LYSMD3: variants seen among roughly 807,000 people sequenced by gnomAD.
LYSMD3 encodes LysM domain containing 3.
LYSMD3 carries 13 observed loss-of-function variants against 26.1 expected under a neutral mutation model. The observed-to-expected ratio is 0.50, with a 90% CI of 0.32 to 0.79. LYSMD3 has a LOEUF of 0.79. Ranked by LOEUF, LYSMD3 falls within the 30% of genes least tolerant of loss-of-function variation. The probability of loss-of-function intolerance (pLI) is 0.03; values close to 1 mark genes in which losing one functional copy is unlikely to be tolerated. For missense variants in LYSMD3, 331 were observed against 362.5 expected (o/e 0.91, Z 0.71); for synonymous variants, 109 against 119.4 (o/e 0.91, Z 0.57).
At chr5:90,527,798 A>G (rs1164901740) in intron 1 of LYSMD3, among the ~76,000 whole-genome samples, 1 of 152,214 alleles carries the variant, frequency 6.6e-6, no homozygotes, top group Admixed American at 6.5e-5. Context: ...CTAGGCATAT[A>G]CTTATCATAA....
At chr5:90,529,220 G>T in intron 1 of LYSMD3, 1 of 354,830 alleles carries the variant, frequency 2.8e-6, no homozygotes, top group South Asian at 2.0e-5. Context: ...GCAGGTAGGC[G>T]TCCTTCCTCT....
chr5:90,518,712 A>G lies in LYSMD3; in HGVS notation c.*107T>C. On this transcript the variant is annotated 3_prime_UTR_variant, in exon 3 of 3. Transcript: ENST00000315948. ...AAACCCTTTTGTTAAAAACAAAAGC[A>G]TCCTCAATCTCTCTAAATTCTGCCT... is the stretch of plus-strand genomic sequence containing the variant. 8.6e-7 allele frequency: 1 copy of G among 1,161,032 alleles called. No homozygotes were observed. Among genetic ancestry groups the G allele is most frequent in the Non-Finnish European group, 1.2e-6 (1 of 828,474 alleles). The allele number at this position is 1,161,032 out of a possible 1,614,324, so 71.9% of individuals were successfully genotyped here. A position where few individuals can be genotyped will look rare whatever the true frequency, so the allele number is the denominator to read the frequency against.
chr5:90,528,129 G>A (rs1190101694), intron 1 of LYSMD3, among the ~76,000 whole-genome samples: 1 of 151,930 alleles, frequency 6.6e-6, no homozygotes, highest in Non-Finnish European at 1.5e-5. Context: ...ATTTAACCAG[G>A]TCTTTTTTTA....
intron 2 of LYSMD3, among the ~76,000 whole-genome samples, chr5:90,520,894 G>C (rs1033688677): frequency 6.6e-6 from 1 of 151,842 alleles, no homozygotes; most frequent in South Asian, 2.1e-4. Context: ...ACTCCAGCCT[G>C]GGCAACAGAG....
chr5:90,525,379 GAC>G (rs879452302), intron 1 of LYSMD3, 79 bp from the exon 2 acceptor site: 17 of 1,304,282 alleles, frequency 1.3e-5, no homozygotes, highest in Non-Finnish European at 1.8e-5. Flanking sequence ...GTACATTCAG[GAC>G]ACAATCTTTT....
Position 90,526,336 on chromosome 5 carries a change from AC to A in LYSMD3, c.-11-1037del, listed in dbSNP as rs368139870. Among the ~76,000 whole-genome samples, 603 of 152,320 alleles carry A rather than the reference AC, an allele frequency of 4.0e-3. 4 individuals carry two copies. The highest frequency in any genetic ancestry group is 0.014 in the African/African-American group (568 of 41,576). On this transcript the variant is annotated intron_variant, in intron 1 of 2. Coordinates refer to ENST00000315948, the MANE Select transcript of LYSMD3 (RefSeq NM_198273.2). Reference sequence around the variant, plus strand: ...AAAGACTGTGAACAGATTTTAGGTTACTGTGTTCATTTATACTTTAGAAAAA... The same window carrying A: ...AAAGACTGTGAACAGATTTTAGGTTATGTGTTCATTTATACTTTAGAAAAA...
intron 2 of LYSMD3, 54 bp downstream of exon 2, chr5:90,524,981 T>C: frequency 3.0e-6 from 4 of 1,350,096 alleles, no homozygotes; most frequent in Admixed American, 2.4e-5. Flanking sequence ...TTTATTTCAG[T>C]GTGCGTAAAC....
rs1004565618 is a variant in LYSMD3 at position 90,525,056 on chromosome 5, T to C, written c.234A>G (p.Ile78Met). 5 of 1,608,836 alleles carry C rather than the reference T, an allele frequency of 3.1e-6. No homozygotes were observed. Among genetic ancestry groups the C allele is most frequent in the Non-Finnish European group, 4.3e-6 (5 of 1,176,416 alleles). The change falls in exon 2 of 3, where the codon ATA becomes ATG. Residue 78 changes from isoleucine (I) to methionine (M), a missense_variant. Physicochemically the swap from Ile to Met is conservative, Grantham distance 10. Around this residue, in one of 3 missense-constraint regions of LYSMD3, gnomAD observed 262 missense variants for 267.3 expected, o/e 0.98. Coordinates refer to ENST00000315948, the MANE Select transcript of LYSMD3 (RefSeq NM_198273.2). The stretch of plus-strand genomic sequence containing the variant: ...TTACCGTACAACAGTACTGAAGGGC[T>C]ATTGCATTTAATGTATCTCCTTCTT... ...DIQEGDTLNA[I>M]ALQYCCTVAD...
At chr5:90,529,282 G>A (rs993941956) in intron 1 of LYSMD3, 166 bp downstream of exon 1, 8 of 396,996 alleles carry the variant, frequency 2.0e-5, no homozygotes, top group Non-Finnish European at 3.5e-5. Context: ...GGGCTGGTCT[G>A]GAAGTTCTTC....
rs530578224 is a variant in LYSMD3, at chr5:90,526,045, T to A, written c.-11-745A>T. Among the ~76,000 whole-genome samples, 3 of 152,322 alleles carry A rather than the reference T, an allele frequency of 2.0e-5. No individual in the cohort carries two copies. The South Asian group carries it at 6.2e-4, about 32-fold the overall frequency. ...TCTTAAAAACTTGTGACTATATAAC[T>A]TATAGCTCTGATGGAATCAAAGCAT... On this transcript the variant is annotated intron_variant, in intron 1 of 2. Coordinates refer to ENST00000315948, the MANE Select transcript of LYSMD3 (RefSeq NM_198273.2).
chr5:90,519,477 T>C lies in LYSMD3; in HGVS notation c.263A>G (p.Asp88Gly), dbSNP rs775101247. ...IALQYCCTVA[D>G]IKRVNNLISD... ...GATGAGATTGTTAACTCTCTTGATA[T>C]CTGCTACCTGTGGGGGGGAAAAAAA... The change falls in exon 3 of 3, where the codon GAT becomes GGT. Residue 88 changes from aspartate (D) to glycine (G), a missense_variant. By Grantham distance (94) the Asp-to-Gly change is moderately conservative (BLOSUM62 -1). This residue lies in a region of LYSMD3 where 262 missense variants were observed against 267.3 expected (regional missense o/e 0.98). Transcript: ENST00000315948. 4 of 1,587,256 alleles carry C rather than the reference T, an allele frequency of 2.5e-6. No homozygotes were observed. Among genetic ancestry groups the C allele is most frequent in the South Asian group, 1.1e-5 (1 of 89,226 alleles).
Position 90,519,002 on chromosome 5 carries a change from C to T in LYSMD3, c.738G>A (p.Val246=). The T allele has an allele frequency of 1.9e-6, 3 of 1,614,010 alleles. No homozygotes were observed. The highest frequency in any genetic ancestry group is 2.5e-6 in the Non-Finnish European group (3 of 1,179,936). Residue 246 remains valine (V), a synonymous_variant, in exon 3 of 3, where the codon GTG becomes GTA. Coordinates refer to ENST00000315948, the MANE Select transcript of LYSMD3 (RefSeq NM_198273.2). ...YLLYYEILAK[V]DVSHHSTVDS... ...CCACTGTTGAATGATGACTAACATC[C>T]ACCTTAGCTAAAATTTCATAATACA...
chr5:90,520,899 A>C (rs960960087), intron 2 of LYSMD3, among the ~76,000 whole-genome samples: 2 of 152,042 alleles, frequency 1.3e-5, no homozygotes, highest in Non-Finnish European at 2.9e-5. Flanking sequence ...AGCCTGGGCA[A>C]CAGAGCGAGA....
intron 1 of LYSMD3, chr5:90,526,808 A>G (rs1753233591): frequency 6.6e-6 from 1 of 152,248 alleles, no homozygotes; most frequent in Non-Finnish European, 1.5e-5. Context: ...GGAATGGCAA[A>G]TAGACAAATG....
intron 2 of LYSMD3, chr5:90,520,392 TC>T (rs1358452994): frequency 4.4e-6 from 2 of 456,090 alleles, no homozygotes; most frequent in Non-Finnish European, 8.8e-6. Context: ...ATAAAGTGGG[TC>T]TAGTATGAAG....
At chr5:90,525,846 A>C (rs1332659947) in intron 1 of LYSMD3, among the ~76,000 whole-genome samples, 1 of 152,250 alleles carries the variant, frequency 6.6e-6, no homozygotes, top group East Asian at 1.9e-4. Context: ...ATTAGATCAT[A>C]TATCACTAAA....
rs1395346927 is a variant in LYSMD3, at chr5:90,519,144, T to C, written c.596A>G (p.Asp199Gly). 3.7e-6 allele frequency: 6 copies of C among 1,614,030 alleles called. No individual in the cohort carries two copies. The highest frequency in any genetic ancestry group is 1.3e-5 in the African/African-American group (1 of 74,932). The change falls in exon 3 of 3, where the codon GAT becomes GGT. Residue 199 changes from aspartate (D) to glycine (G), a missense_variant. Transcript: ENST00000315948. ...GTCTTTACGTTGAGTGTTTTTGTTA[T>C]CAGGTTCAAAACGCATTTGTTGTGC... ...LTAQQMRFEP[D>G]NKNTQRKDPY...
In LYSMD3 at chr5:90,529,532, G is replaced by C. The variant is rs1307478309; in HGVS notation, c.-96C>G. On this transcript the variant is annotated 5_prime_UTR_variant, in exon 1 of 3. Transcript: ENST00000315948. ...CTGTCCCGGGTAAGTTCATGGCCGA[G>C]CCTCTGCTTTGGGCTGACCCCGTCC... is the stretch of plus-strand genomic sequence containing the variant. 2 of 456,648 alleles carry C rather than the reference G, an allele frequency of 4.4e-6. No individual in the cohort carries two copies. Among genetic ancestry groups the C allele is most frequent in the Non-Finnish European group, 8.8e-6 (2 of 226,948 alleles). The allele number at this position is 456,648 out of a possible 1,614,324, so 28.3% of individuals were successfully genotyped here.
At chr5:90,522,521 A>G (rs974329302) in intron 2 of LYSMD3, among the ~76,000 whole-genome samples, 1 of 152,142 alleles carries the variant, frequency 6.6e-6, no homozygotes, top group South Asian at 2.1e-4. Flanking sequence ...TATCCTTATC[A>G]CAAATATTTT....
Sources: allele counts gnomAD v4.1 joint callset (sites outside exome capture counted in the v4.1 genomes callset), GRCh38; gene constraint gnomAD v4.1.1; regional missense constraint gnomAD v4.1.1; transcripts MANE v1.5; gene names NCBI Gene and HGNC (gene_info 2026-07-23, HGNC 2026-07-21).